Variants in KAZN observed in about 807,000 individuals in gnomAD.
KAZN encodes the protein kazrin.
In KAZN, 40 loss-of-function variants were observed where a neutral mutation model predicts 87.4. The ratio of observed to expected loss-of-function variants is 0.46; its 90% CI spans 0.36 to 0.60. The LOEUF (loss-of-function observed/expected upper bound fraction) is 0.60. Ranked by LOEUF, KAZN falls within the 20% of genes least tolerant of loss-of-function variation. KAZN has a pLI of 0.00. For synonymous variants in KAZN, 466 were observed against 458.3 expected (o/e 1.02, Z -0.22); for missense variants, 898 against 1,073.9 (o/e 0.84, Z 2.29).
rs528769187 is a variant in KAZN at position 15,004,000 on chromosome 1, G to T, written c.419-30749G>T. 4.9e-4 allele frequency among the ~76,000 whole-genome samples: 74 copies of T among 152,252 alleles called. No individual in the cohort carries two copies. In the South Asian group the frequency reaches 0.015, roughly 31 times the overall value. Reference sequence around the variant, plus strand: ...CCTCCTTTGCACCTTCCTTCTCCAGGCTTTAAAGGACATTTCCTCTGATTG... The same window carrying T: ...CCTCCTTTGCACCTTCCTTCTCCAGTCTTTAAAGGACATTTCCTCTGATTG... On this transcript the variant is annotated intron_variant, in intron 2 of 14. Coordinates refer to ENST00000376030, the MANE Select transcript of KAZN (RefSeq NM_201628.3).
At chr1:14,998,741 G>A (rs1260616394) in intron 2 of KAZN, among the ~76,000 whole-genome samples, 1 of 152,088 alleles carries the variant, frequency 6.6e-6, no homozygotes, top group South Asian at 2.1e-4. Flanking sequence ...TAGAGACGGG[G>A]TTTCGCCATG....
At chr1:14,907,619 C>T (rs1656752510) in intron 1 of KAZN, among the ~76,000 whole-genome samples, 1 of 152,084 alleles carries the variant, frequency 6.6e-6, no homozygotes, top group African/African-American at 2.4e-5. Flanking sequence ...ATGACTCTGC[C>T]CGGGCATGTC....
chr1:14,713,623 C>T (rs888203463), intron 1 of KAZN, among the ~76,000 whole-genome samples: 6 of 151,914 alleles, frequency 3.9e-5, no homozygotes, highest in Admixed American at 3.3e-4. Context: ...ACAGCAAAGA[C>T]TTACCTGGCC....
chr1:14,766,614 C>G lies in KAZN; in HGVS notation c.226+167391C>G, dbSNP rs180677584. ...TTGGTTCCGCATGTTAACTGAGCAT[C>G]TAGTATGCACTGGGCGGTGTGTGGG... On this transcript the variant is annotated intron_variant, in intron 1 of 14. Transcript: ENST00000376030. Among the ~76,000 whole-genome samples, 107 of 147,470 alleles carry G rather than the reference C, an allele frequency of 7.3e-4. 1 individual carries two copies. The highest frequency in any genetic ancestry group is 2.5e-3 in the African/African-American group (101 of 39,632).
At chr1:14,180,502 G>A (rs1170702930) in exon 2 of KAZN, 1 of 1,550,328 alleles carries the variant, frequency 6.5e-7, no homozygotes, top group South Asian at 1.2e-5. Flanking sequence ...CGAAGGCACT[G>A]GAGGAGGACA....
chr1:14,690,866 C>T (rs1175287678), intron 1 of KAZN, among the ~76,000 whole-genome samples: 2 of 152,132 alleles, frequency 1.3e-5, no homozygotes, highest in Non-Finnish European at 2.9e-5. Flanking sequence ...GTGATTTTCA[C>T]AGATGTTGAG....
At chr1:14,419,818 C>A (rs377252303) in intron 2 of KAZN, among the ~76,000 whole-genome samples, 3 of 152,170 alleles carry the variant, frequency 2.0e-5, no homozygotes, top group Admixed American at 2.0e-4. Context: ...GGTTCGGGGT[C>A]TCGCTGGTCT....
chr1:14,177,794 G>GTGT (rs1450483087), intron 1 of KAZN, among the ~76,000 whole-genome samples: 2 of 140,066 alleles, frequency 1.4e-5, no homozygotes, highest in Admixed American at 1.4e-4. Flanking sequence ...GTGTGTGTGT[G>GTGT]TTTTTTTTTT....
chr1:14,521,153 C>T (rs1571854092), intron 2 of KAZN, among the ~76,000 whole-genome samples: 1 of 152,220 alleles, frequency 6.6e-6, no homozygotes. Context: ...GTGCAGCCAA[C>T]GTAAGGAGAA....
intron 2 of KAZN, among the ~76,000 whole-genome samples, chr1:14,540,280 G>A (rs773729930): frequency 6.6e-6 from 1 of 152,200 alleles, no homozygotes; most frequent in Non-Finnish European, 1.5e-5. Context: ...TCACTTAAAT[G>A]TTGAATACCC....
At chr1:14,419,614 G>A (rs958168097) in intron 2 of KAZN, among the ~76,000 whole-genome samples, 105 of 152,344 alleles carry the variant, frequency 6.9e-4, no homozygotes, top group African/African-American at 2.4e-3. Flanking sequence ...AGTTCTTAAA[G>A]GTAGTGTGTC....
intron 1 of KAZN, among the ~76,000 whole-genome samples, chr1:13,993,302 T>A (rs7548432): frequency 0.26 from 39,417 of 152,012 alleles, 5,270 homozygotes; most frequent in Middle Eastern, 0.3. Context: ...TATTAATGAC[T>A]GTAAGTCCTA....
chr1:14,652,787 T>C (rs10927481), intron 1 of KAZN, among the ~76,000 whole-genome samples: 32,647 of 151,066 alleles, frequency 0.22, 3,661 homozygotes, highest in South Asian at 0.27. Flanking sequence ...CATTTCATGC[T>C]TATGTGCCAG....
intron 2 of KAZN, among the ~76,000 whole-genome samples, chr1:14,480,026 T>C (rs1439686898): frequency 1.3e-5 from 2 of 152,162 alleles, no homozygotes; most frequent in Admixed American, 6.5e-5. Flanking sequence ...TAGACACAGA[T>C]AAGGGGATGA....
chr1:14,934,765 CAGTA>C (rs1404892776), intron 1 of KAZN, among the ~76,000 whole-genome samples: 1 of 152,228 alleles, frequency 6.6e-6, no homozygotes, highest in Non-Finnish European at 1.5e-5. Flanking sequence ...TGATGCTGGC[CAGTA>C]TCCATCTAAA....
intron 1 of KAZN, among the ~76,000 whole-genome samples, chr1:14,747,820 C>T (rs1644303796): frequency 6.6e-6 from 1 of 152,210 alleles, no homozygotes; most frequent in Admixed American, 6.5e-5. Context: ...TGCACATTCT[C>T]ACCAGCAATG....
intron 1 of KAZN, among the ~76,000 whole-genome samples, chr1:14,113,570 G>A (rs1043341443): frequency 1.3e-5 from 2 of 152,132 alleles, no homozygotes; most frequent in African/African-American, 2.4e-5. Flanking sequence ...TGATTATCCT[G>A]TTTTACAGAA....
chr1:13,954,165 C>T (rs1363766451), intron 1 of KAZN, among the ~76,000 whole-genome samples: 1 of 152,208 alleles, frequency 6.6e-6, no homozygotes. Flanking sequence ...GATTGCGCCA[C>T]TGCACTCCAG....
intron 10 of KAZN, among the ~76,000 whole-genome samples, chr1:15,097,090 C>T (rs1404668448): frequency 3.3e-5 from 5 of 152,182 alleles, no homozygotes; most frequent in African/African-American, 7.2e-5. Context: ...ATGACCTTGC[C>T]CTCTCTGGGA....
Sources: gnomAD v4.1 joint callset for allele counts (sites outside exome capture counted in the v4.1 genomes callset) on GRCh38, gnomAD v4.1.1 for gene constraint, MANE v1.5 for transcripts, NCBI Gene and HGNC (gene_info 2026-07-23, HGNC 2026-07-21) for gene names.